OSBPL5: variants seen among roughly 807,000 people sequenced by gnomAD.
OSBPL5 encodes oxysterol-binding protein-related protein 5.
In OSBPL5, 71 loss-of-function variants were observed where a neutral mutation model predicts 111.2. That is an observed-to-expected ratio of 0.64 (90% CI 0.53 to 0.78). OSBPL5 has a LOEUF of 0.78. Among genes scored for constraint, OSBPL5 ranks in the 30% least tolerant of loss-of-function variants. OSBPL5 has a pLI of 0.00. For missense variants in OSBPL5, 1,210 were observed against 1,189.3 expected, an observed-to-expected ratio of 1.02 and a Z score of -0.26; for synonymous variants, 549 against 513.9, an observed-to-expected ratio of 1.07 and a Z score of -0.93.
intron 14 of OSBPL5, among the ~76,000 whole-genome samples, chr11:3,096,631 AC>A (rs1857264886): frequency 2.8e-5 from 4 of 144,362 alleles, no homozygotes; most frequent in African/African-American, 5.1e-5. Flanking sequence ...AAAAAAAAAG[AC>A]AGAAAGAAAG....
intron 1 of OSBPL5, among the ~76,000 whole-genome samples, chr11:3,144,208 C>G (rs1021932149): frequency 6.6e-6 from 1 of 152,134 alleles, no homozygotes; most frequent in South Asian, 2.1e-4. Context: ...CAGGTGGGGA[C>G]AGAACATGCC....
At chr11:3,124,201 G>A (rs1858520552) in intron 3 of OSBPL5, among the ~76,000 whole-genome samples, 1 of 152,180 alleles carries the variant, frequency 6.6e-6, no homozygotes, top group Non-Finnish European at 1.5e-5. Context: ...AGCTAATAAG[G>A]AGCTGAGCTG....
intron 2 of OSBPL5, among the ~76,000 whole-genome samples, chr11:3,127,808 G>C (rs943537528): frequency 6.6e-6 from 1 of 152,176 alleles, no homozygotes; most frequent in Non-Finnish European, 1.5e-5. Flanking sequence ...AGTCAGCACT[G>C]GTCCTTCTCC....
chr11:3,096,073 G>A (rs1857242507), intron 14 of OSBPL5, among the ~76,000 whole-genome samples: 1 of 152,194 alleles, frequency 6.6e-6, no homozygotes, highest in Admixed American at 6.5e-5. Flanking sequence ...AGGGGACTAG[G>A]AGGAAATGAG....
At chr11:3,100,977 T>C (rs897023941) in intron 13 of OSBPL5, among the ~76,000 whole-genome samples, 6 of 103,916 alleles carry the variant, frequency 5.8e-5, no homozygotes, top group East Asian at 2.0e-4. Context: ...ATTTCTTTTT[T>C]TTTTTTTTTT....
At position 3,121,061 on chromosome 11, in the gene OSBPL5, CTTTTT is replaced by C. The variant is rs34351257; in HGVS notation, c.403-442_403-438del. ...CTTGTAACTGGCAGCTTTGTAGATT[CTTTTT>C]TTTTTTTTTTTTGAGACAGAGTCTC... On this transcript the variant is annotated intron_variant, in intron 5 of 21. Transcript: ENST00000263650. This position sits in a 1 kb window ranked among gnomAD's most constrained non-coding sequence, Gnocchi z 4.3. Among the ~76,000 whole-genome samples, 3 of 130,360 alleles carry C rather than the reference CTTTTT, an allele frequency of 2.3e-5. No homozygotes were observed. The highest frequency in any genetic ancestry group is 8.7e-5 in the African/African-American group (3 of 34,626). The allele number at this position is 130,360 out of a possible 152,430, so 85.5% of individuals were successfully genotyped here.
chr11:3,100,883 A>G (rs1857428418), intron 13 of OSBPL5, among the ~76,000 whole-genome samples: 2 of 152,162 alleles, frequency 1.3e-5, no homozygotes, highest in South Asian at 4.1e-4. Flanking sequence ...TCTGAAGACC[A>G]GAGCTTCCCT....
intron 1 of OSBPL5, among the ~76,000 whole-genome samples, chr11:3,149,971 C>T (rs1846519599): frequency 6.6e-6 from 1 of 152,212 alleles, no homozygotes; most frequent in Admixed American, 6.5e-5. Context: ...ACATGCATGG[C>T]ACACACACAT....
Position 3,107,727 on chromosome 11 carries a change from A to G in OSBPL5, c.866+44T>C. Reference sequence around the variant, plus strand: ...TCCCCTCTTCCTCGCCTACAAGGAGACCCCGTGAATCACCACCAGCCCCTG... The same window carrying G: ...TCCCCTCTTCCTCGCCTACAAGGAGGCCCCGTGAATCACCACCAGCCCCTG... On this transcript the variant is annotated intron_variant, in intron 8 of 21. Coordinates refer to ENST00000263650, the MANE Select transcript of OSBPL5 (RefSeq NM_020896.4). This position sits in a 1 kb window ranked among gnomAD's most constrained non-coding sequence, Gnocchi z 6.1. 1 of 1,598,182 alleles carries G rather than the reference A, an allele frequency of 6.3e-7. No homozygotes were observed. The highest frequency in any genetic ancestry group is 8.5e-7 in the Non-Finnish European group (1 of 1,174,472).
At position 3,107,796 on chromosome 11, in the gene OSBPL5, C is replaced by T. The variant is rs540833216; in HGVS notation, c.841G>A (p.Val281Ile). 22 of 1,612,606 alleles carry T rather than the reference C, an allele frequency of 1.4e-5. No homozygotes were observed. Among genetic ancestry groups the T allele is most frequent in the Admixed American group, 6.7e-5 (4 of 60,006 alleles). The stretch of plus-strand genomic sequence containing the variant: ...GGGAACAGGTCTTGGTCTGGGTGGA[C>T]GGTGGCTGAGGCTGGCAGCCCACAG... ...SLCGLPASATVHPDQDLFPLN... is the reference protein window; with the variant it reads ...SLCGLPASATIHPDQDLFPLN... The change falls in exon 8 of 22, where the codon GTC becomes ATC. Residue 281 changes from valine (V) to isoleucine (I), a missense_variant. Transcript: ENST00000263650. The surrounding 1 kb of genome is among the most constrained non-coding windows in gnomAD (Gnocchi z 6.1).
chr11:3,134,059 C>T (rs2134493459), intron 1 of OSBPL5, among the ~76,000 whole-genome samples: 1 of 152,232 alleles, frequency 6.6e-6, no homozygotes, highest in East Asian at 1.9e-4. Flanking sequence ...AGGGTGCAGG[C>T]CTGGAGCTCA....
intron 7 of OSBPL5, among the ~76,000 whole-genome samples, chr11:3,114,199 C>A (rs983135752): frequency 4.6e-5 from 7 of 151,892 alleles, no homozygotes; most frequent in Admixed American, 1.3e-4. Flanking sequence ...TAATTCAAAG[C>A]TTATTTAAAG....
At chr11:3,131,822 CA>C in intron 1 of OSBPL5, among the ~76,000 whole-genome samples, 1 of 145,112 alleles carries the variant, frequency 6.9e-6, no homozygotes. Context: ...TCCATCCATC[CA>C]TCTACCCACT....
intron 13 of OSBPL5, among the ~76,000 whole-genome samples, chr11:3,101,103 T>C (rs368810897): frequency 5.3e-5 from 8 of 151,978 alleles, no homozygotes; most frequent in African/African-American, 1.9e-4. Context: ...GCCTTCCCAG[T>C]AGCTGGGATG....
Position 3,107,857 on chromosome 11 carries a change from C to T in OSBPL5, c.780G>A (p.Glu260=). The change falls in exon 8 of 22, where the codon GAG becomes GAA. Residue 260 remains glutamate (E), a synonymous_variant. Coordinates refer to ENST00000263650, the MANE Select transcript of OSBPL5 (RefSeq NM_020896.4). This position sits in a 1 kb window ranked among gnomAD's most constrained non-coding sequence, Gnocchi z 6.1. Reference sequence around the variant, plus strand: ...GTGATGCGTCTGGCGAGGTCCCTGGCTCCCCGTCTCGGCCCGGCTTGCAGG... The same window carrying T: ...GTGATGCGTCTGGCGAGGTCCCTGGTTCCCCGTCTCGGCCCGGCTTGCAGG... ...LGTCKPGRDG[E]PGTSPDASPS... 6.2e-7 allele frequency: 1 copy of T among 1,610,362 alleles called. No homozygotes were observed. The highest frequency in any genetic ancestry group is 1.1e-5 in the South Asian group (1 of 91,086).
intron 1 of OSBPL5, among the ~76,000 whole-genome samples, chr11:3,159,134 A>T (rs963428156): frequency 6.6e-6 from 1 of 152,152 alleles, no homozygotes; most frequent in African/African-American, 2.4e-5. Flanking sequence ...GGTTGAGGGC[A>T]CAGGCGAGAG....
rs183103941 is a variant in OSBPL5, at chr11:3,154,836, G to A, written c.-22+10380C>T. The stretch of plus-strand genomic sequence containing the variant: ...ATGTAAATGACGAGTTAATGGGTGC[G>A]GCACACCAACATGGCACATGTATAC... On this transcript the variant is annotated intron_variant, in intron 1 of 21. Transcript: ENST00000263650. This position sits in a 1 kb window ranked among gnomAD's most constrained non-coding sequence, Gnocchi z 4.9. 6.6e-6 allele frequency among the ~76,000 whole-genome samples: 1 copy of A among 152,002 alleles called. No homozygotes were observed. The highest frequency in any genetic ancestry group is 1.5e-5 in the Non-Finnish European group (1 of 67,990).
intron 6 of OSBPL5, 114 bp downstream of exon 6, chr11:3,120,307 T>C (rs55862536): frequency 0.29 from 379,759 of 1,328,128 alleles, 57,450 homozygotes; most frequent in African/African-American, 0.52. Flanking sequence ...AGACACCTGC[T>C]CAAGGCCCCA....
At chr11:3,120,720 TGGGCTGCCGAG>T in intron 5 of OSBPL5, 96 bp from the exon 6 acceptor site, 1 of 1,408,966 alleles carries the variant, frequency 7.1e-7, no homozygotes, top group Non-Finnish European at 9.6e-7. Flanking sequence ...CAGACCAGGG[TGGGCTGCCGAG>T]GGGCCCTTCC....
Sources: gnomAD v4.1 joint callset for allele counts (sites outside exome capture counted in the v4.1 genomes callset) on GRCh38, gnomAD v4.1.1 for gene constraint, Gnocchi (gnomAD v3.1) non-coding constraint, MANE v1.5 for transcripts, NCBI Gene and HGNC (gene_info 2026-07-23, HGNC 2026-07-21) for gene names.